The following TIMM50 variants were observed in gnomAD, a reference collection of about 807,000 sequenced individuals.
TIMM50 encodes mitochondrial import inner membrane translocase subunit TIM50.
Under a neutral mutation model 49.6 loss-of-function variants are expected in TIMM50, and 34 were observed. The ratio of observed to expected loss-of-function variants is 0.69; its 90% CI spans 0.52 to 0.91. The LOEUF is 0.91. Among genes scored for constraint, TIMM50 ranks in the 40% least tolerant of loss-of-function variants. TIMM50 has a pLI of 0.00. For synonymous variants in TIMM50, 199 were observed against 198.4 expected (o/e 1.00, Z -0.03); for missense variants, 458 against 477.8 (o/e 0.96, Z 0.39).
Position 39,488,140 on chromosome 19 carries a change from A to AT in TIMM50, c.777dup (p.Asn260Ter). ...AAGGAAGCCTTCCGCCTGCAGCCCT[A>AT]TAACGGCGTTGCCCTGCGGCCCTGG... On this transcript the variant is annotated frameshift_variant, in exon 9 of 11. Coordinates refer to ENST00000607714, the MANE Select transcript of TIMM50 (RefSeq NM_001001563.5). LOFTEE classifies it high-confidence loss of function. 1 of 1,614,140 alleles carries AT rather than the reference A, an allele frequency of 6.2e-7. No homozygotes were observed. The highest frequency in any genetic ancestry group is 8.5e-7 in the Non-Finnish European group (1 of 1,179,964).
rs146541481 is a variant in TIMM50, at chr19:39,487,488, C to T, written c.697-573C>T. ...TTATTTTTTTTGTGAGACGGAGTCT[C>T]GCTCTGTTGCCTAGGCTGGAGTGCA... On this transcript the variant is annotated intron_variant, in intron 8 of 10. Transcript: ENST00000607714. 6.0e-3 allele frequency among the ~76,000 whole-genome samples: 909 copies of T among 151,784 alleles called. 10 individuals are homozygous for T. Among genetic ancestry groups the T allele is most frequent in the African/African-American group, 0.021 (872 of 41,376 alleles).
intron 4 of TIMM50, chr19:39,485,030 C>A (rs1268216803): frequency 1.2e-5 from 2 of 161,512 alleles, no homozygotes; most frequent in Admixed American, 1.2e-4. Context: ...AATCTCGGCT[C>A]GCTGCAACCT....
Position 39,489,841 on chromosome 19 carries a change from C to A in TIMM50, c.*21C>A, listed in dbSNP as rs769411433. 7.6e-6 allele frequency: 12 copies of A among 1,588,094 alleles called. No homozygotes were observed. The South Asian group carries it at 1.2e-4, about 15-fold the overall frequency. On this transcript the variant is annotated 3_prime_UTR_variant, in exon 11 of 11. Transcript: ENST00000607714. ...CCTGAACTCTGGGCCTCCTCAAACTCAGTGCCTGGGTCCAGGGCCCCAGTG... is the reference window on the plus strand; with the variant it reads ...CCTGAACTCTGGGCCTCCTCAAACTAAGTGCCTGGGTCCAGGGCCCCAGTG...
chr19:39,485,353 CA>C, intron 4 of TIMM50, 190 bp from the exon 5 acceptor site: 1 of 636,598 alleles, frequency 1.6e-6, no homozygotes, highest in Non-Finnish European at 2.8e-6. Flanking sequence ...TAAAATAGGG[CA>C]AGTAAATAAA....
At chr19:39,483,260 A>C in intron 4 of TIMM50, 104 bp downstream of exon 4, 14 of 1,457,316 alleles carry the variant, frequency 9.6e-6, no homozygotes, top group Non-Finnish European at 1.1e-5. Context: ...TCCTCCTTCC[A>C]CTGGGGAGGT....
At position 39,489,909 on chromosome 19, in the gene TIMM50, C is replaced by T; in HGVS notation, c.*89C>T. Reference sequence around the variant, plus strand: ...GGGCCACCACTTGTCCAATAAAGTACATCCCAGACGCCACACCTGCTGTGT... The same window carrying T: ...GGGCCACCACTTGTCCAATAAAGTATATCCCAGACGCCACACCTGCTGTGT... On this transcript the variant is annotated 3_prime_UTR_variant, in exon 11 of 11. Coordinates refer to ENST00000607714, the MANE Select transcript of TIMM50 (RefSeq NM_001001563.5). 2 of 1,243,714 alleles carry T rather than the reference C, an allele frequency of 1.6e-6. No individual in the cohort carries two copies. The highest frequency in any genetic ancestry group is 2.3e-6 in the Non-Finnish European group (2 of 869,618). The allele number at this position is 1,243,714 out of a possible 1,614,324, so 77.0% of individuals were successfully genotyped here.
rs2079536515 is a variant in TIMM50, at chr19:39,490,300, C to T, written c.*480C>T. ...AGGCCAGCTGCTGGTTGGCTCCAGC[C>T]AGTGTGGCCCTGGGGTAAAGGGGGC... On this transcript the variant is annotated 3_prime_UTR_variant, in exon 11 of 11. Transcript: ENST00000607714. 1 of 154,340 alleles carries T rather than the reference C, an allele frequency of 6.5e-6. No homozygotes were observed. Among genetic ancestry groups the T allele is most frequent in the African/African-American group, 2.4e-5 (1 of 41,510 alleles). 9.6% of individuals were successfully genotyped at this position (154,340 alleles called of 1,614,324 possible).
intron 8 of TIMM50, among the ~76,000 whole-genome samples, chr19:39,487,738 C>T (rs1006032307): frequency 6.6e-6 from 1 of 152,128 alleles, no homozygotes. Flanking sequence ...GGAGTACGGT[C>T]GTGAGCCACC....
Position 39,488,615 on chromosome 19 carries a change from T to G in TIMM50, c.930T>G (p.Ala310=). The change falls in exon 10 of 11, where the codon GCT becomes GCG. Residue 310 remains alanine, a synonymous_variant. Transcript: ENST00000607714. ...CCCTGGAGGATGACCCGCTGGCGGCTTTCAAACAGCGGCAAAGCCGGCTAG... is the reference window on the plus strand; with the variant it reads ...CCCTGGAGGATGACCCGCTGGCGGCGTTCAAACAGCGGCAAAGCCGGCTAG... ...HYALEDDPLA[A]FKQRQSRLEQ... 2 of 1,613,694 alleles carry G rather than the reference T, an allele frequency of 1.2e-6. No individual in the cohort carries two copies. Among genetic ancestry groups the G allele is most frequent in the South Asian group, 2.2e-5 (2 of 91,062 alleles).
chr19:39,485,460 C>G, intron 4 of TIMM50, 84 bp from the exon 5 acceptor site: 2 of 1,542,230 alleles, frequency 1.3e-6, no homozygotes, highest in Non-Finnish European at 1.8e-6. Flanking sequence ...CTGTTTGTAT[C>G]TGGTAGATAA....
At position 39,483,861 on chromosome 19, in the gene TIMM50, TA is replaced by T. The variant is rs1353128837; in HGVS notation, c.313+706del. Among the ~76,000 whole-genome samples, 7 of 152,170 alleles carry T rather than the reference TA, an allele frequency of 4.6e-5. No individual in the cohort carries two copies. In the East Asian group the frequency reaches 1.2e-3, roughly 25 times the overall value. ...CAATATTGTGGTTTATTTTTATTTT[TA>T]TTTTTTTTTGAGACATAGTCTTGCT... On this transcript the variant is annotated intron_variant, in intron 4 of 10. Transcript: ENST00000607714.
In TIMM50 at chr19:39,491,240, C is replaced by CACCA. The variant is rs2079543263; in HGVS notation, c.*1421_*1424dup. ...GGAGTGCAATGGCACGACGTCGGCT[C>CACCA]ACCACATCCTCCGCCTCCCGGGTTC... On this transcript the variant is annotated 3_prime_UTR_variant, in exon 11 of 11. Coordinates refer to ENST00000607714, the MANE Select transcript of TIMM50 (RefSeq NM_001001563.5). 6.6e-6 allele frequency: 1 copy of CACCA among 150,690 alleles called. No individual in the cohort carries two copies. Among genetic ancestry groups the CACCA allele is most frequent in the Non-Finnish European group, 1.5e-5 (1 of 67,762 alleles). The allele number at this position is 150,690 out of a possible 1,614,324, so 9.3% of individuals were successfully genotyped here. A position where few individuals can be genotyped will look rare whatever the true frequency, so the allele number is the denominator to read the frequency against.
rs1276529782 is a variant in TIMM50, at chr19:39,481,904, G to T, written c.130G>T (p.Gly44Trp). 6.2e-7 allele frequency: 1 copy of T among 1,613,664 alleles called. No individual in the cohort carries two copies. Among genetic ancestry groups the T allele is most frequent in the South Asian group, 1.1e-5 (1 of 91,076 alleles). Residue 44 changes from glycine to tryptophan, a missense_variant, in exon 2 of 11, where the codon GGG (glycine) becomes TGG (tryptophan). Gly to Trp is a radical substitution (Grantham distance 184). Transcript: ENST00000607714. ...PDQAAEIGSR[G>W]STKAQGPQQQ... ...GCAGGCCGCAGAGATCGGGAGCCGC[G>T]GGAGCACTAAGGCGCAAGGGCCACA...
In TIMM50 at chr19:39,490,003, T is replaced by C. The variant is rs2079534652; in HGVS notation, c.*183T>C. On this transcript the variant is annotated 3_prime_UTR_variant, in exon 11 of 11. Transcript: ENST00000607714. ...TCTTGGGTCATCGTCCCACAGTGGC[T>C]GATCGGCTGCCAAGCACAGTGGGGG... is the stretch of plus-strand genomic sequence containing the variant. 1.5e-5 allele frequency: 9 copies of C among 618,736 alleles called. No individual in the cohort carries two copies. The South Asian group carries it at 1.8e-4, about 13-fold the overall frequency. The allele number at this position is 618,736 out of a possible 1,614,324, so 38.3% of individuals were successfully genotyped here. A position where few individuals can be genotyped will look rare whatever the true frequency, so the allele number is the denominator to read the frequency against.
intron 6 of TIMM50, 141 bp from the exon 7 acceptor site, chr19:39,486,046 T>A: frequency 1.9e-6 from 2 of 1,078,668 alleles, no homozygotes; most frequent in Non-Finnish European, 2.8e-6. Context: ...TCACAGCCTA[T>A]GAACTTCTTG....
At chr19:39,483,052 G>A (rs2079483176) in intron 3 of TIMM50, 83 bp from the exon 4 acceptor site, 1 of 1,609,162 alleles carries the variant, frequency 6.2e-7, no homozygotes, top group East Asian at 2.2e-5. Flanking sequence ...GTTCCTCTTG[G>A]GGTCCTGGAG....
chr19:39,488,661 C>T lies in TIMM50; in HGVS notation c.960+16C>T. 1 of 1,605,696 alleles carries T rather than the reference C, an allele frequency of 6.2e-7. No individual in the cohort carries two copies. The highest frequency in any genetic ancestry group is 8.5e-7 in the Non-Finnish European group (1 of 1,172,794). On this transcript the variant is annotated intron_variant, in intron 10 of 10. Coordinates refer to ENST00000607714, the MANE Select transcript of TIMM50 (RefSeq NM_001001563.5). ...GCTAGAGCAGGTTGGTGCTCAGATG[C>T]CCAGAGTGGAGGATCGGCTCTGAGG... is the stretch of plus-strand genomic sequence containing the variant.
At chr19:39,489,643 TG>T in intron 10 of TIMM50, 75 bp from the exon 11 acceptor site, 1 of 1,358,006 alleles carries the variant, frequency 7.4e-7, no homozygotes, top group Non-Finnish European at 1.0e-6. Context: ...GGCTGAGGCC[TG>T]GGGACCTGGG....
At position 39,489,870 on chromosome 19, in the gene TIMM50, C is replaced by T; in HGVS notation, c.*50C>T. 1 of 1,533,042 alleles carries T rather than the reference C, an allele frequency of 6.5e-7. No individual in the cohort carries two copies. The highest frequency in any genetic ancestry group is 1.4e-5 in the African/African-American group (1 of 73,486). 95.0% of individuals were successfully genotyped at this position (1,533,042 alleles called of 1,614,324 possible). ...GCCTGGGTCCAGGGCCCCAGTGCTT[C>T]CAGACCAAGACTTGGGCCACCACTT... On this transcript the variant is annotated 3_prime_UTR_variant, in exon 11 of 11. Coordinates refer to ENST00000607714, the MANE Select transcript of TIMM50 (RefSeq NM_001001563.5).
Sources: allele counts gnomAD v4.1 joint callset (sites outside exome capture counted in the v4.1 genomes callset), GRCh38; gene constraint gnomAD v4.1.1; transcripts MANE v1.5; gene names NCBI Gene and HGNC (gene_info 2026-07-23, HGNC 2026-07-21).